DGKZ: variants seen among roughly 807,000 people sequenced by gnomAD.
DGKZ encodes the protein diacylglycerol kinase zeta.
DGKZ carries 45 observed loss-of-function variants against 142.5 expected under a neutral mutation model. The observed-to-expected ratio is 0.32, with a 90% CI of 0.25 to 0.40. The LOEUF (loss-of-function observed/expected upper bound fraction) is 0.40, where lower values mean the gene tolerates loss of function less well. Among genes scored for constraint, DGKZ ranks in the 10% least tolerant of loss-of-function variants. DGKZ has a pLI of 1.00. For synonymous variants in DGKZ, 442 were observed against 527.0 expected, an observed-to-expected ratio of 0.84 and a Z score of 2.21; for missense variants, 755 against 1,306.5, an observed-to-expected ratio of 0.58 and a Z score of 6.51.
intron 28 of DGKZ, 26 bp downstream of exon 28, chr11:46,379,137 C>T: frequency 6.2e-7 from 1 of 1,610,844 alleles, no homozygotes. Flanking sequence ...GAGCCCAGGG[C>T]CTGGGGCCAA....
chr11:46,342,911 G>A (rs1460590676), upstream of DGKZ, among the ~76,000 whole-genome samples: 3 of 152,190 alleles, frequency 2.0e-5, no homozygotes, highest in Non-Finnish European at 2.9e-5. Context: ...ATCACTTGAG[G>A]TCAGGAATTC....
At position 46,367,993 on chromosome 11, in the gene DGKZ, G is replaced by C. The variant is rs1334798494; in HGVS notation, c.367-9G>C. Reference sequence around the variant, plus strand: ...GGTGCCTCAGGGGCCCTCTCTTCCTGTCCTGCAGCAGAAGTCAGTGTCTCG... The same window carrying C: ...GGTGCCTCAGGGGCCCTCTCTTCCTCTCCTGCAGCAGAAGTCAGTGTCTCG... On this transcript the variant is annotated splice_polypyrimidine_tract_variant and intron_variant, in intron 3 of 30. Coordinates refer to ENST00000527911, the Ensembl canonical transcript of DGKZ. The surrounding 1 kb of genome is among the most constrained non-coding windows in gnomAD (Gnocchi z 4.1). 1.2e-6 allele frequency: 2 copies of C among 1,613,800 alleles called. No homozygotes were observed. Among genetic ancestry groups the C allele is most frequent in the Non-Finnish European group, 1.7e-6 (2 of 1,179,998 alleles).
At position 46,356,229 on chromosome 11, in the gene DGKZ, C is replaced by T. The variant is rs2136424385; in HGVS notation, c.161+8409C>T. Among the ~76,000 whole-genome samples the T allele has an allele frequency of 1.3e-5, 2 of 152,258 alleles. 1 individual carries two copies. The highest frequency in any genetic ancestry group is 6.8e-3 in the Middle Eastern group (2 of 294). ...GCTAAGGGAGATATATTGGCATTCC[C>T]ATCAGGGATCGGTTTCAGTGTTGCC... On this transcript the variant is annotated intron_variant, in intron 1 of 30. Coordinates refer to ENST00000527911, the Ensembl canonical transcript of DGKZ.
At chr11:46,340,850 A>T (rs1008011114) in intron 1 of DGKZ, among the ~76,000 whole-genome samples, 9 of 152,150 alleles carry the variant, frequency 5.9e-5, no homozygotes, top group Admixed American at 5.9e-4. Context: ...ATGCACTTAA[A>T]CTTCAAAATC....
chr11:46,355,408 A>G (rs1941897974), intron 1 of DGKZ, among the ~76,000 whole-genome samples: 1 of 152,058 alleles, frequency 6.6e-6, no homozygotes, highest in Middle Eastern at 3.4e-3. Context: ...GCGCCCGGCT[A>G]TTTTCTTTCT....
At chr11:46,350,137 A>C (rs1016249214) in intron 1 of DGKZ, among the ~76,000 whole-genome samples, 1 of 152,214 alleles carries the variant, frequency 6.6e-6, no homozygotes, top group East Asian at 1.9e-4. Flanking sequence ...TGGGGCCTTC[A>C]GAAATGAATA....
chr11:46,350,431 C>G (rs1026735042), intron 1 of DGKZ, among the ~76,000 whole-genome samples: 1 of 152,232 alleles, frequency 6.6e-6, no homozygotes, highest in African/African-American at 2.4e-5. Flanking sequence ...CTTATCCCAG[C>G]TCCATGCTAG....
chr11:46,355,809 C>A (rs529281356), intron 1 of DGKZ, among the ~76,000 whole-genome samples: 1 of 151,944 alleles, frequency 6.6e-6, no homozygotes, highest in East Asian at 1.9e-4. Context: ...CGCAATGGCG[C>A]GGTCTCGGCT....
At chr11:46,368,274 A>G (rs1005152953) in intron 4 of DGKZ, 195 bp downstream of exon 4, 1 of 675,306 alleles carries the variant, frequency 1.5e-6, no homozygotes, top group Non-Finnish European at 2.7e-6. Context: ...CTGTATCCCC[A>G]CTGCCTGGAA....
rs564426805 is a variant in DGKZ, at chr11:46,355,743, A to T, written c.161+7923A>T. ...AGAAAGTTGAGGGGGGAGGTGTTAA[A>T]TTTTTTTTTTTTCTTTTTTTGAGAT... is the stretch of plus-strand genomic sequence containing the variant. On this transcript the variant is annotated intron_variant, in intron 1 of 30. Transcript: ENST00000527911. Among the ~76,000 whole-genome samples the T allele has an allele frequency of 2.7e-5, 4 of 147,060 alleles. No homozygotes were observed. In the East Asian group the frequency reaches 5.9e-4, roughly 22 times the overall value.
intron 1 of DGKZ, among the ~76,000 whole-genome samples, chr11:46,360,338 G>A (rs1942502427): frequency 6.6e-6 from 1 of 152,080 alleles, no homozygotes. Context: ...ATTAATAGCT[G>A]TCACCCCCTA....
chr11:46,342,183 G>C (rs1940311237), intron 1 of DGKZ, among the ~76,000 whole-genome samples: 1 of 152,142 alleles, frequency 6.6e-6, no homozygotes, highest in Non-Finnish European at 1.5e-5. Context: ...GGGGTCCCCA[G>C]CTTCCCAGGG....
chr11:46,361,622 C>T (rs1410242883), intron 1 of DGKZ: 2 of 985,474 alleles, frequency 2.0e-6, no homozygotes, highest in African/African-American at 1.7e-5. Context: ...AGGACTTGCT[C>T]AGCAGAGGCC....
chr11:46,379,599 G>A (rs915879067), intron 30 of DGKZ, 31 bp downstream of exon 30: 5 of 1,568,332 alleles, frequency 3.2e-6, no homozygotes, highest in Non-Finnish European at 4.3e-6. Flanking sequence ...GAGCCCACGA[G>A]GGCACCAACC....
intron 1 of DGKZ, among the ~76,000 whole-genome samples, chr11:46,342,125 T>G (rs1940307128): frequency 6.6e-6 from 1 of 152,144 alleles, no homozygotes; most frequent in South Asian, 2.1e-4. Context: ...CCCAGAATAA[T>G]TTTCTTACCC....
intron 5 of DGKZ, 100 bp from the exon 6 acceptor site, chr11:46,369,841 G>A: frequency 7.8e-7 from 1 of 1,284,504 alleles, no homozygotes; most frequent in East Asian, 2.3e-5. Flanking sequence ...GGACTGCAGA[G>A]CGCTTCCTGC....
intron 9 of DGKZ, 43 bp downstream of exon 9, chr11:46,371,818 A>C (rs1251872643): frequency 2.5e-6 from 4 of 1,590,084 alleles, no homozygotes; most frequent in Non-Finnish European, 3.4e-6. Flanking sequence ...AGCAGGAGAG[A>C]GGGGTCTGTT....
At chr11:46,369,907 C>T (rs1330743761) in intron 5 of DGKZ, 34 bp from the exon 6 acceptor site, 1 of 1,613,002 alleles carries the variant, frequency 6.2e-7, no homozygotes, top group South Asian at 1.1e-5. Flanking sequence ...CTGCCCACCC[C>T]TCACCCAGTG....
At chr11:46,378,080 TG>T (rs775347706) in intron 25 of DGKZ, 117 bp from the exon 26 acceptor site, 616 of 1,285,606 alleles carry the variant, frequency 4.8e-4, no homozygotes, top group Non-Finnish European at 6.1e-4. Flanking sequence ...TAGTGCTTGG[TG>T]TGTAGCAGGC....
Sources: allele counts gnomAD v4.1 joint callset (sites outside exome capture counted in the v4.1 genomes callset), GRCh38; gene constraint gnomAD v4.1.1; non-coding constraint Gnocchi (gnomAD v3.1); transcripts MANE v1.5; gene names NCBI Gene and HGNC (gene_info 2026-07-23, HGNC 2026-07-21).